Variants in EML4 observed in about 807,000 individuals in gnomAD.
The protein encoded by EML4 is echinoderm microtubule-associated protein-like 4.
Under a neutral mutation model 129.0 loss-of-function variants are expected in EML4, and 72 were observed. The ratio of observed to expected loss-of-function variants is 0.56; its 90% CI spans 0.46 to 0.68. The LOEUF (loss-of-function observed/expected upper bound fraction) is 0.68. EML4 is among the 30% of genes least tolerant of loss of function. The probability of loss-of-function intolerance (pLI) is 0.00; values close to 1 mark genes in which losing one functional copy is unlikely to be tolerated. For synonymous variants in EML4, 532 were observed against 405.0 expected (o/e 1.31, Z -3.77); for missense variants, 1,363 against 1,190.6 (o/e 1.14, Z -2.13).
At chr2:42,171,070 A>C (rs1320386031) in intron 1 of EML4, among the ~76,000 whole-genome samples, 1 of 152,174 alleles carries the variant, frequency 6.6e-6, no homozygotes, top group Non-Finnish European at 1.5e-5. Flanking sequence ...CCTCAAAGGC[A>C]CCTGTTGTCC....
chr2:42,187,534 T>C (rs984185748), intron 1 of EML4, among the ~76,000 whole-genome samples: 1 of 152,226 alleles, frequency 6.6e-6, no homozygotes, highest in Non-Finnish European at 1.5e-5. Context: ...GACTAGATGA[T>C]GGACATTTCA....
At chr2:42,225,376 C>G (rs909945528) in intron 1 of EML4, among the ~76,000 whole-genome samples, 1 of 152,164 alleles carries the variant, frequency 6.6e-6, no homozygotes, top group Non-Finnish European at 1.5e-5. Flanking sequence ...CAGCAATGCA[C>G]AAGAGTTCTA....
chr2:42,255,124 C>T (rs541733003), intron 2 of EML4, among the ~76,000 whole-genome samples: 5 of 151,414 alleles, frequency 3.3e-5, no homozygotes, highest in Middle Eastern at 3.4e-3. Context: ...CTTGCTCTGT[C>T]GCCCAGGCTG....
intron 17 of EML4, among the ~76,000 whole-genome samples, 156 bp downstream of exon 17, chr2:42,304,707 A>G (rs1184626031): frequency 6.6e-6 from 1 of 152,232 alleles, no homozygotes; most frequent in Admixed American, 6.5e-5. Flanking sequence ...GAATTCAATT[A>G]TTTATTGAGC....
chr2:42,181,104 G>A (rs1051634309), intron 1 of EML4, among the ~76,000 whole-genome samples: 2 of 152,156 alleles, frequency 1.3e-5, no homozygotes, highest in African/African-American at 4.8e-5. Context: ...ATCACTTGGT[G>A]TCTGCTAGAC....
At chr2:42,329,107 C>A in intron 22 of EML4, 91 bp downstream of exon 22, 2 of 1,328,662 alleles carry the variant, frequency 1.5e-6, no homozygotes, top group Non-Finnish European at 2.1e-6. Context: ...GTTACTGATT[C>A]CTCTCCATGA....
At chr2:42,173,291 TA>T (rs2103789838) in intron 1 of EML4, among the ~76,000 whole-genome samples, 1 of 152,320 alleles carries the variant, frequency 6.6e-6, no homozygotes, top group South Asian at 2.1e-4. Flanking sequence ...TTTCATGTAA[TA>T]TTTGGAGAGG....
intron 8 of EML4, among the ~76,000 whole-genome samples, chr2:42,283,430 C>G (rs1321591528): frequency 2.0e-5 from 3 of 152,056 alleles, no homozygotes; most frequent in Admixed American, 6.6e-5. Flanking sequence ...GGATGTCATA[C>G]TACAAATGTG....
chr2:42,235,389 G>A (rs1332267535), intron 1 of EML4, among the ~76,000 whole-genome samples: 1 of 152,120 alleles, frequency 6.6e-6, no homozygotes, highest in Non-Finnish European at 1.5e-5. Flanking sequence ...GAGCAGCCTG[G>A]GAGGCAGAGG....
intron 3 of EML4, 62 bp downstream of exon 3, chr2:42,256,692 C>G (rs969178467): frequency 3.2e-6 from 5 of 1,580,316 alleles, no homozygotes; most frequent in Non-Finnish European, 4.3e-6. Flanking sequence ...TGGTAGAGAT[C>G]TCCCTTTAGA....
At chr2:42,199,138 T>C (rs1672068065) in intron 1 of EML4, among the ~76,000 whole-genome samples, 1 of 152,090 alleles carries the variant, frequency 6.6e-6, no homozygotes, top group East Asian at 1.9e-4. Flanking sequence ...TGATGGGGAA[T>C]AGGAGTGAAA....
chr2:42,221,818 G>A (rs985697167), intron 1 of EML4, among the ~76,000 whole-genome samples: 1 of 151,820 alleles, frequency 6.6e-6, no homozygotes, highest in African/African-American at 2.4e-5. Context: ...TGGCCAGGCT[G>A]GTCTCGAACT....
intron 1 of EML4, among the ~76,000 whole-genome samples, chr2:42,209,236 A>C (rs1053782511): frequency 1.3e-5 from 2 of 152,210 alleles, no homozygotes; most frequent in Non-Finnish European, 2.9e-5. Context: ...AATTATGTTA[A>C]CTTTTCTGGT....
chr2:42,246,991 T>G (rs559732447), intron 2 of EML4, among the ~76,000 whole-genome samples: 2 of 152,200 alleles, frequency 1.3e-5, no homozygotes, highest in African/African-American at 4.8e-5. Flanking sequence ...GCAACAAATA[T>G]AGCCACTCTC....
chr2:42,242,940 G>C (rs147401188), intron 1 of EML4, among the ~76,000 whole-genome samples: 44 of 151,990 alleles, frequency 2.9e-4, no homozygotes, highest in African/African-American at 1.0e-3. Flanking sequence ...ACCATGCCCA[G>C]CTAATTTTTT....
intron 17 of EML4, among the ~76,000 whole-genome samples, chr2:42,315,680 C>T (rs1028174251): frequency 4.6e-5 from 7 of 151,866 alleles, no homozygotes; most frequent in Non-Finnish European, 7.4e-5. Flanking sequence ...TTAAGGCCAG[C>T]CCAGATAACA....
At position 42,229,527 on chromosome 2, in the gene EML4, A is replaced by T. The variant is rs550236102; in HGVS notation, c.26-15978A>T. Among the ~76,000 whole-genome samples, 4 of 152,220 alleles carry T rather than the reference A, an allele frequency of 2.6e-5. 1 individual carries two copies. In the South Asian group the frequency reaches 8.3e-4, roughly 32 times the overall value. On this transcript the variant is annotated intron_variant, in intron 1 of 22. Transcript: ENST00000318522. Reference sequence around the variant, plus strand: ...AGAATTTTTTCATAAAGCAAGACAGATAACTGTCTTGCAAGAGTCACCCAT... The same window carrying T: ...AGAATTTTTTCATAAAGCAAGACAGTTAACTGTCTTGCAAGAGTCACCCAT...
At chr2:42,263,031 C>A in intron 4 of EML4, 147 bp from the exon 5 acceptor site, 2 of 628,630 alleles carry the variant, frequency 3.2e-6, no homozygotes, top group East Asian at 3.0e-5. Flanking sequence ...CTCCTTCACT[C>A]ATCCAGGCAG....
intron 1 of EML4, among the ~76,000 whole-genome samples, chr2:42,171,668 T>C (rs1011628641): frequency 6.6e-6 from 1 of 152,174 alleles, no homozygotes; most frequent in Admixed American, 6.5e-5. Flanking sequence ...CCTTTAGATA[T>C]GGTGTTAATC....
Sources: gnomAD v4.1 joint callset for allele counts (sites outside exome capture counted in the v4.1 genomes callset) on GRCh38, gnomAD v4.1.1 for gene constraint, MANE v1.5 for transcripts, NCBI Gene and HGNC (gene_info 2026-07-23, HGNC 2026-07-21) for gene names.